SELENON: variants seen among roughly 807,000 people sequenced by gnomAD.
SELENON encodes the protein selenoprotein N.
Under a neutral mutation model 59.5 loss-of-function variants are expected in SELENON, and 44 were observed. The observed-to-expected ratio is 0.74, with a 90% CI of 0.58 to 0.95. SELENON has a LOEUF of 0.95. SELENON is among the 40% of genes least tolerant of loss of function. SELENON has a pLI of 0.00. For missense variants in SELENON, 674 were observed against 721.4 expected (o/e 0.93, Z 0.75); for synonymous variants, 320 against 305.6 (o/e 1.05, Z -0.49).
rs1191240390 is a variant in SELENON, at chr1:25,815,598, C to T, written c.1653C>T (p.Pro551=). 16 of 1,614,072 alleles carry T rather than the reference C, an allele frequency of 9.9e-6. No homozygotes were observed. Among genetic ancestry groups the T allele is most frequent in the Middle Eastern group, 1.6e-4 (1 of 6,084 alleles). ...TCTTGGACATCACCTCCGTGAAGCC[C>T]GAGGAAATCGAGAGCAATCTCTTCA... The change falls in exon 13 of 13, where the codon CCC becomes CCT. Residue 551 remains proline (P), a synonymous_variant. Transcript: ENST00000361547.
Position 25,815,691 on chromosome 1 carries a change from G to A in SELENON, c.1746G>A (p.Arg582=). Residue 582 remains arginine, a synonymous_variant, in exon 13 of 13, where the codon CGG becomes CGA. Transcript: ENST00000361547. ...TGCAGTTCCTGAAGGAGGGACTCCG[G>A]CGTGGCCTGCCCCTCCTCCAGCCCT... 1 of 1,614,110 alleles carries A rather than the reference G, an allele frequency of 6.2e-7. No individual in the cohort carries two copies. The highest frequency in any genetic ancestry group is 8.5e-7 in the Non-Finnish European group (1 of 1,180,016).
At chr1:25,801,244 A>C (rs2047858718) in intron 2 of SELENON, 84 bp downstream of exon 2, 2 of 1,078,870 alleles carry the variant, frequency 1.9e-6, no homozygotes, top group African/African-American at 3.1e-5. Flanking sequence ...TCTGGAGTGG[A>C]GGGAAGCTCG....
At chr1:25,811,387 T>A in intron 7 of SELENON, 67 bp from the exon 7 acceptor site, 1 of 1,332,850 alleles carries the variant, frequency 7.5e-7, no homozygotes, top group Non-Finnish European at 1.1e-6. Flanking sequence ...GCAGGTATTA[T>A]GTGAGATAAA....
chr1:25,809,998 C>G (rs916942205), intron 7 of SELENON, among the ~76,000 whole-genome samples, 178 bp downstream of exon 6: 1 of 152,178 alleles, frequency 6.6e-6, no homozygotes, highest in Non-Finnish European at 1.5e-5. Context: ...AGCTGATCAC[C>G]CACCAGCTCT....
rs1163417132 is a variant in SELENON at position 25,816,788 on chromosome 1, G to A, written c.*1070G>A. ...TTTTTTATAACCCCAGTGCTGAGGA[G>A]AAAGGAGGGGCAGTGGCTTCCCCGG... On this transcript the variant is annotated 3_prime_UTR_variant, in exon 13 of 13. Coordinates refer to ENST00000361547, the MANE Select transcript of SELENON (RefSeq NM_020451.3). 6.5e-6 allele frequency: 1 copy of A among 152,688 alleles called. No homozygotes were observed. Among genetic ancestry groups the A allele is most frequent in the Non-Finnish European group, 1.5e-5 (1 of 68,076 alleles). The allele number at this position is 152,688 out of a possible 1,614,324, so 9.5% of individuals were successfully genotyped here.
In SELENON at chr1:25,814,262, T is replaced by G. The variant is rs941629233; in HGVS notation, c.1602+84T>G. On this transcript the variant is annotated intron_variant, in intron 12 of 12. Coordinates refer to ENST00000361547, the MANE Select transcript of SELENON (RefSeq NM_020451.3). ...CAGCAGGAGGCGTGGATGTGCAGAC[T>G]TCATCAGGCTTCGGGACTGTCCCTG... 2.0e-4 allele frequency: 199 copies of G among 998,598 alleles called. 3 individuals carry two copies. Among genetic ancestry groups the G allele is most frequent in the Non-Finnish European group, 3.4e-5 (22 of 645,806 alleles). 61.9% of individuals were successfully genotyped at this position (998,598 alleles called of 1,614,324 possible). A position where few individuals can be genotyped will look rare whatever the true frequency, so the allele number is the denominator to read the frequency against.
At chr1:25,809,966 G>A in intron 7 of SELENON, 146 bp downstream of exon 6, 1 of 1,017,580 alleles carries the variant, frequency 9.8e-7, no homozygotes, top group Non-Finnish European at 1.5e-6. Flanking sequence ...GCAGGAGGCG[G>A]CATGAGGCAG....
At chr1:25,813,832 C>A in intron 10 of SELENON, 49 bp from the exon 10 acceptor site, 1 of 1,443,500 alleles carries the variant, frequency 6.9e-7, no homozygotes, top group Non-Finnish European at 9.8e-7. Flanking sequence ...AGCAAGATTG[C>A]ACCCCAGCAA....
chr1:25,803,707 T>TG (rs1310032145), intron 3 of SELENON, among the ~76,000 whole-genome samples: 2 of 45,304 alleles, frequency 4.4e-5, no homozygotes, highest in African/African-American at 2.0e-4. Flanking sequence ...TTGTTTTTTT[T>TG]GTTTTTTTGT....
In SELENON at chr1:25,811,462, A is replaced by G. The variant is rs749911126; in HGVS notation, c.1019A>G (p.Asn340Ser). Residue 340 changes from asparagine (N) to serine (S), a missense_variant, in exon 8 of 13, where the codon AAT becomes AGT. By Grantham distance (46) the Asn-to-Ser change is conservative. Coordinates refer to ENST00000361547, the MANE Select transcript of SELENON (RefSeq NM_020451.3). ...TGCCCTGGCCATCCCAGGTCTCTGAATGTGGACATGGAGTGGCTTTACGGG... is the reference window on the plus strand; with the variant it reads ...TGCCCTGGCCATCCCAGGTCTCTGAGTGTGGACATGGAGTGGCTTTACGGG... The G allele has an allele frequency of 6.2e-7, 1 of 1,613,834 alleles. No homozygotes were observed. Among genetic ancestry groups the G allele is most frequent in the Non-Finnish European group, 8.5e-7 (1 of 1,179,916 alleles).
chr1:25,805,068 C>A, intron 3 of SELENON, 74 bp from the exon 3 acceptor site: 1 of 1,596,848 alleles, frequency 6.3e-7, no homozygotes, highest in Non-Finnish European at 8.6e-7. Context: ...TAATCACCAG[C>A]TAGTGTGGAT....
intron 7 of SELENON, 90 bp from the exon 7 acceptor site, chr1:25,811,364 A>G: frequency 8.8e-7 from 1 of 1,139,586 alleles, no homozygotes; most frequent in Non-Finnish European, 1.3e-6. Flanking sequence ...TCATCTGGAA[A>G]GTGGAGACAG....
At chr1:25,805,622 C>CCCCACATACTATGATGATTATTT (rs375521796) in intron 4 of SELENON, among the ~76,000 whole-genome samples, 3 of 151,654 alleles carry the variant, frequency 2.0e-5, no homozygotes, top group African/African-American at 7.3e-5. Context: ...AGTGCAGCCG[C>CCCCACATACTATGATGATTATTT]CCCACATACT....
intron 1 of SELENON, 69 bp downstream of exon 1, chr1:25,800,482 G>C: frequency 1.1e-6 from 1 of 888,672 alleles, no homozygotes; most frequent in African/African-American, 1.8e-5. Flanking sequence ...TCGGCAGCAG[G>C]GGGGACATGG....
chr1:25,809,807 G>T lies in SELENON; in HGVS notation c.997G>T (p.Val333Leu), dbSNP rs200115221. The change falls in exon 7 of 13, where the codon GTG (valine) becomes TTG (leucine). Residue 333 changes from valine (V) to leucine (L), a missense_variant. Physicochemically the swap from Val to Leu is conservative, Grantham distance 32. Transcript: ENST00000361547. The stretch of plus-strand genomic sequence containing the variant: ...CCACGTCCGCGACTTCCGGCTCTTC[G>T]TGCCCAACCACAGGTGGGAGCTTGA... The T allele has an allele frequency of 6.2e-7, 1 of 1,613,550 alleles. No individual in the cohort carries two copies. The highest frequency in any genetic ancestry group is 1.1e-5 in the South Asian group (1 of 91,076).
In SELENON at chr1:25,801,174, CTGG is replaced by C; in HGVS notation, c.301+15_301+17del. ...AGAAGCTAACAGGTACCAGGAGAGA[CTGG>C]CGGCTGGGGAGGAGGGCGCCTTGGC... On this transcript the variant is annotated intron_variant, in intron 2 of 12. Transcript: ENST00000361547. The C allele has an allele frequency of 6.2e-7, 1 of 1,605,914 alleles. No homozygotes were observed. Among genetic ancestry groups the C allele is most frequent in the Non-Finnish European group, 8.5e-7 (1 of 1,172,614 alleles).
Position 25,800,312 on chromosome 1 carries a change from G to T in SELENON, c.82G>T (p.Ala28Ser), listed in dbSNP as rs1286430947. ...GCCTCCCGCGCCACCGCGCCGCCGC[G>T]CCCGTTCCCTGGCGCTGCTCGGAGC... The change falls in exon 1 of 13, where the codon GCC becomes TCC. Residue 28 changes from alanine (A) to serine (S), a missense_variant. Ala to Ser is a moderately conservative substitution (Grantham distance 99). Transcript: ENST00000361547. The T allele has an allele frequency of 3.7e-5, 37 of 998,650 alleles. 2 individuals carry two copies. In the South Asian group the frequency reaches 1.3e-3, roughly 36 times the overall value. 61.9% of individuals were successfully genotyped at this position (998,650 alleles called of 1,614,324 possible).
intron 9 of SELENON, 59 bp downstream of exon 8, chr1:25,811,938 G>A: frequency 1.3e-6 from 2 of 1,515,888 alleles, no homozygotes; most frequent in South Asian, 1.2e-5. Flanking sequence ...GCTGGGAGCT[G>A]TGGAGCAGCA....
At position 25,815,989 on chromosome 1, in the gene SELENON, C is replaced by A; in HGVS notation, c.*271C>A. The A allele has an allele frequency of 2.0e-6, 1 of 490,648 alleles. No individual in the cohort carries two copies. The highest frequency in any genetic ancestry group is 3.7e-6 in the Non-Finnish European group (1 of 267,472). The allele number at this position is 490,648 out of a possible 1,614,324, so 30.4% of individuals were successfully genotyped here. ...TGGCTCTGGAAGCTGCTTGGCCCCC[C>A]CAGATCAGGGCCTGGGTGAACTCCC... On this transcript the variant is annotated 3_prime_UTR_variant, in exon 13 of 13. Coordinates refer to ENST00000361547, the MANE Select transcript of SELENON (RefSeq NM_020451.3).
Sources: allele counts gnomAD v4.1 joint callset (sites outside exome capture counted in the v4.1 genomes callset), GRCh38; gene constraint gnomAD v4.1.1; transcripts MANE v1.5; gene names NCBI Gene and HGNC (gene_info 2026-07-23, HGNC 2026-07-21).